MAGI2: variants seen among roughly 807,000 people sequenced by gnomAD.
MAGI2 encodes membrane associated guanylate kinase, WW and PDZ domain containing 2.
In MAGI2, 35 loss-of-function variants were observed where a neutral mutation model predicts 133.3. The observed-to-expected ratio is 0.26, with a 90% CI of 0.20 to 0.35. The LOEUF (loss-of-function observed/expected upper bound fraction) is 0.35. Among genes scored for constraint, MAGI2 ranks in the 10% least tolerant of loss-of-function variants. The probability of loss-of-function intolerance (pLI) is 1.00; values close to 1 mark genes in which losing one functional copy is unlikely to be tolerated. For synonymous variants in MAGI2, 729 were observed against 710.6 expected (o/e 1.03, Z -0.41); for missense variants, 1,636 against 1,863.4 (o/e 0.88, Z 2.25).
At chr7:79,436,231 A>G (rs1200680540) in intron 1 of MAGI2, among the ~76,000 whole-genome samples, 1 of 151,770 alleles carries the variant, frequency 6.6e-6, no homozygotes, top group Non-Finnish European at 1.5e-5. Context: ...CCTCAAAAAA[A>G]AAAAAAAAAA....
chr7:78,333,166 C>A (rs1320699035), intron 9 of MAGI2, among the ~76,000 whole-genome samples: 1 of 152,092 alleles, frequency 6.6e-6, no homozygotes, highest in Non-Finnish European at 1.5e-5. Flanking sequence ...AAGCTAGAGA[C>A]CTGGTGGTTT....
At chr7:79,437,569 C>A (rs1434170445) in intron 1 of MAGI2, among the ~76,000 whole-genome samples, 10 of 152,112 alleles carry the variant, frequency 6.6e-5, no homozygotes, top group African/African-American at 2.4e-4. Flanking sequence ...AAACATAGTA[C>A]TCAAAGAGTA....
Position 79,217,279 on chromosome 7 carries a change from T to C in MAGI2, c.302-210073A>G, listed in dbSNP as rs546480212. On this transcript the variant is annotated intron_variant, in intron 1 of 21. Transcript: ENST00000354212. ...TATATAATAGCAACCTCAGTGAATG[T>C]AGTCAGTTTATTAAATATGCTGATG... Among the ~76,000 whole-genome samples the C allele has an allele frequency of 4.1e-5, 6 of 145,786 alleles. 1 individual carries two copies. The highest frequency in any genetic ancestry group is 1.7e-4 in the African/African-American group (6 of 35,440).
At chr7:79,157,195 A>C (rs886590357) in intron 1 of MAGI2, among the ~76,000 whole-genome samples, 2 of 152,084 alleles carry the variant, frequency 1.3e-5, no homozygotes, top group Non-Finnish European at 2.9e-5. Flanking sequence ...TAAGAGACTA[A>C]GTTTCCTCAG....
At chr7:78,828,243 CA>C (rs1426741137) in intron 2 of MAGI2, among the ~76,000 whole-genome samples, 2 of 152,088 alleles carry the variant, frequency 1.3e-5, no homozygotes, top group African/African-American at 4.8e-5. Context: ...TACAGTATGG[CA>C]AAAGGGGTAA....
chr7:78,057,977 G>GTA (rs58788674), intron 21 of MAGI2, among the ~76,000 whole-genome samples: 2,269 of 106,480 alleles, frequency 0.021, 232 homozygotes, highest in Middle Eastern at 0.045. Context: ...ATATATATGT[G>GTA]TATATATATA....
intron 9 of MAGI2, among the ~76,000 whole-genome samples, chr7:78,313,726 T>A (rs550083749): frequency 1.5e-4 from 23 of 152,202 alleles, no homozygotes; most frequent in African/African-American, 5.5e-4. Flanking sequence ...ACTTTTTTGC[T>A]CTTAAAACTA....
chr7:79,015,268 A>T (rs1432197092), intron 1 of MAGI2, among the ~76,000 whole-genome samples: 3 of 152,108 alleles, frequency 2.0e-5, no homozygotes, highest in Admixed American at 2.0e-4. Context: ...CAGCCTGGGC[A>T]ACACAGTAAG....
chr7:78,901,353 T>C (rs1403847739), intron 2 of MAGI2: 1 of 152,174 alleles, frequency 6.6e-6, no homozygotes, highest in South Asian at 2.1e-4. Context: ...ATATGAAATG[T>C]AATGAATGCA....
At chr7:78,841,819 C>T (rs2151464028) in intron 2 of MAGI2, among the ~76,000 whole-genome samples, 1 of 152,062 alleles carries the variant, frequency 6.6e-6, no homozygotes, top group Non-Finnish European at 1.5e-5. Context: ...AATCATTTTT[C>T]CATCCTTTAG....
intron 3 of MAGI2, among the ~76,000 whole-genome samples, chr7:78,610,550 C>T (rs551898953): frequency 1.4e-4 from 21 of 152,288 alleles, no homozygotes; most frequent in South Asian, 8.3e-4. Context: ...ATTGGTTCCA[C>T]GGTCTAAGAA....
At chr7:78,912,165 AC>A (rs1798447843) in intron 2 of MAGI2, among the ~76,000 whole-genome samples, 1 of 152,206 alleles carries the variant, frequency 6.6e-6, no homozygotes, top group African/African-American at 2.4e-5. Context: ...TTGAACAGCT[AC>A]TATGTTCCAG....
intron 6 of MAGI2, among the ~76,000 whole-genome samples, chr7:78,459,121 T>C (rs1022243360): frequency 3.9e-5 from 6 of 152,162 alleles, no homozygotes; most frequent in African/African-American, 1.4e-4. Context: ...TAAGTAAACA[T>C]AGAAACTGCT....
intron 5 of MAGI2, among the ~76,000 whole-genome samples, chr7:78,493,671 A>G (rs1234435324): frequency 6.6e-6 from 1 of 151,966 alleles, no homozygotes; most frequent in Admixed American, 6.6e-5. Context: ...CCGGAACCTC[A>G]CACTTGGCTT....
rs1479129484 is a variant in MAGI2 at position 78,185,658 on chromosome 7, G to T, written c.2282C>A (p.Pro761His). The change falls in exon 13 of 22, where the codon CCC becomes CAC. Residue 761 changes from proline (P) to histidine (H), a missense_variant. By Grantham distance (77) the Pro-to-His change is moderately conservative. Around this residue, in one of 5 missense-constraint regions of MAGI2, gnomAD observed 920 missense variants for 1,093.5 expected, o/e 0.84. Coordinates refer to ENST00000354212, the MANE Select transcript of MAGI2 (RefSeq NM_012301.4). The stretch of plus-strand genomic sequence containing the variant: ...GGAATCCATTCGAAAACTGGTCCTG[G>T]GTGGCACTTGTTCTGGATGGGAAAA... ...AIYESRQQVPPRTSFRMDSSG... is the reference protein window; with the variant it reads ...AIYESRQQVPHRTSFRMDSSG... 1 of 1,584,458 alleles carries T rather than the reference G, an allele frequency of 6.3e-7. No homozygotes were observed. The highest frequency in any genetic ancestry group is 8.6e-7 in the Non-Finnish European group (1 of 1,159,994).
chr7:78,399,787 AGAGT>A (rs993830701), intron 6 of MAGI2, among the ~76,000 whole-genome samples: 3 of 139,168 alleles, frequency 2.2e-5, no homozygotes, highest in Non-Finnish European at 3.0e-5. Context: ...CCTGGTTGAC[AGAGT>A]GAGACTTTGT....
intron 5 of MAGI2, among the ~76,000 whole-genome samples, chr7:78,499,428 C>G (rs979571758): frequency 1.3e-5 from 2 of 152,190 alleles, no homozygotes; most frequent in Non-Finnish European, 2.9e-5. Flanking sequence ...ATCTTGCCAA[C>G]AAGTTTGAAA....
rs192779080 is a variant in MAGI2, at chr7:78,297,168, C to T, written c.1409-40587G>A. Among the ~76,000 whole-genome samples, 10 of 152,086 alleles carry T rather than the reference C, an allele frequency of 6.6e-5. No individual in the cohort carries two copies. In the East Asian group the frequency reaches 9.6e-4, roughly 15 times the overall value. ...AAAGTGACTTCCTTCCAAAGAGTACCGAAGGGAAAGGGAGGACAAAGAGCA... is the reference window on the plus strand; with the variant it reads ...AAAGTGACTTCCTTCCAAAGAGTACTGAAGGGAAAGGGAGGACAAAGAGCA... On this transcript the variant is annotated intron_variant, in intron 9 of 21. Coordinates refer to ENST00000354212, the MANE Select transcript of MAGI2 (RefSeq NM_012301.4).
At position 78,563,673 on chromosome 7, in the gene MAGI2, A is replaced by G. The variant is rs140589261; in HGVS notation, c.539-42028T>C. ...AGCTATGATAAATTCTGTTGGTAGA[A>G]GTAGTTGGTGCTGCTTCAAAGACAA... On this transcript the variant is annotated intron_variant, in intron 3 of 21. Transcript: ENST00000354212. Among the ~76,000 whole-genome samples, 421 of 152,340 alleles carry G rather than the reference A, an allele frequency of 2.8e-3. 3 individuals are homozygous for G. Among genetic ancestry groups the G allele is most frequent in the African/African-American group, 9.9e-3 (410 of 41,576 alleles).
Sources: gnomAD v4.1 joint callset for allele counts (sites outside exome capture counted in the v4.1 genomes callset) on GRCh38, gnomAD v4.1.1 for gene constraint, gnomAD v4.1.1 regional missense constraint, MANE v1.5 for transcripts, NCBI Gene and HGNC (gene_info 2026-07-23, HGNC 2026-07-21) for gene names.